The following FBXO4 variants were observed in gnomAD, a reference collection of about 807,000 sequenced individuals.
The protein encoded by FBXO4 is F-box only protein 4.
A neutral mutation model predicts 43.7 loss-of-function variants in FBXO4; 36 were observed. That is an observed-to-expected ratio of 0.82 (90% CI 0.63 to 1.09). The LOEUF (loss-of-function observed/expected upper bound fraction) is 1.09, where lower values mean the gene tolerates loss of function less well. FBXO4 is among the 50% of genes least tolerant of loss of function. The pLI is 0.00. For missense variants in FBXO4, 435 were observed against 474.1 expected (o/e 0.92, Z 0.77); for synonymous variants, 180 against 165.6 (o/e 1.09, Z -0.67).
At chr5:41,994,357 A>G in the FBXO4 span, among the ~76,000 whole-genome samples, 9 of 152,348 alleles carry the variant, frequency 5.9e-5, no homozygotes, top group East Asian at 1.9e-4. Context: ...GGAAATACTC[A>G]TGACAATTAC....
chr5:41,999,516 T>TAC, the FBXO4 span, among the ~76,000 whole-genome samples: 483 of 114,802 alleles, frequency 4.2e-3, 6 homozygotes, highest in African/African-American at 0.019. Context: ...TGTATATATA[T>TAC]ATATATACAT....
In FBXO4 at chr5:41,925,295, C is replaced by G. The variant is rs1751438322; in HGVS notation, c.-15C>G. On this transcript the variant is annotated 5_prime_UTR_variant, in exon 1 of 7. Transcript: ENST00000281623. ...GCGTGGCTCTAAGACGCGTCACCCACGCTGCGGGCAAGCCATGGCGGGAAG... is the reference window on the plus strand; with the variant it reads ...GCGTGGCTCTAAGACGCGTCACCCAGGCTGCGGGCAAGCCATGGCGGGAAG... 1 of 1,325,974 alleles carries G rather than the reference C, an allele frequency of 7.5e-7. No homozygotes were observed. The highest frequency in any genetic ancestry group is 2.0e-5 in the South Asian group (1 of 50,948). 82.1% of individuals were successfully genotyped at this position (1,325,974 alleles called of 1,614,324 possible).
the FBXO4 span, among the ~76,000 whole-genome samples, chr5:41,982,164 G>C: frequency 5.1e-3 from 782 of 152,192 alleles, 8 homozygotes; most frequent in African/African-American, 0.018. Context: ...GGACATTTGG[G>C]TTGGTTCCAA....
At chr5:42,013,707 G>A in the FBXO4 span, among the ~76,000 whole-genome samples, 1 of 152,206 alleles carries the variant, frequency 6.6e-6, no homozygotes, top group Admixed American at 6.5e-5. Flanking sequence ...ATGAGCTTGT[G>A]TTCATTTGGA....
chr5:42,012,326 G>A, the FBXO4 span, among the ~76,000 whole-genome samples: 1 of 151,272 alleles, frequency 6.6e-6, no homozygotes, highest in African/African-American at 2.4e-5. Context: ...ATGTGAGCAT[G>A]TGTGTGTGTG....
chr5:42,029,647 T>C, the FBXO4 span, among the ~76,000 whole-genome samples: 2 of 151,960 alleles, frequency 1.3e-5, no homozygotes, highest in East Asian at 1.9e-4. Flanking sequence ...TTTTTTATTT[T>C]TTCTTTTATC....
At chr5:41,955,131 G>T in the FBXO4 span, among the ~76,000 whole-genome samples, 1 of 152,290 alleles carries the variant, frequency 6.6e-6, no homozygotes, top group Admixed American at 6.5e-5. Context: ...AAGTACATGT[G>T]TACAGTCAAT....
chr5:41,991,816 C>G, the FBXO4 span, among the ~76,000 whole-genome samples: 4 of 152,190 alleles, frequency 2.6e-5, no homozygotes, highest in Non-Finnish European at 5.9e-5. Context: ...CAGTGGCTCA[C>G]GCCTGTAATG....
At position 41,941,375 on chromosome 5, in the gene FBXO4, C is replaced by A; in HGVS notation, c.*94C>A. On this transcript the variant is annotated 3_prime_UTR_variant, in exon 7 of 7. Transcript: ENST00000281623. ...GCTCAGTCAGCCCACCTTGTCCTGC[C>A]TTTTTGCAGATAGGCTTTCATTTGG... The A allele has an allele frequency of 9.8e-7, 1 of 1,022,440 alleles. No individual in the cohort carries two copies. Among genetic ancestry groups the A allele is most frequent in the Non-Finnish European group, 1.5e-6 (1 of 659,748 alleles). The allele number at this position is 1,022,440 out of a possible 1,614,324, so 63.3% of individuals were successfully genotyped here.
Position 41,941,334 on chromosome 5 carries a change from C to T in FBXO4, c.*53C>T, listed in dbSNP as rs1382961560. On this transcript the variant is annotated 3_prime_UTR_variant, in exon 7 of 7. Coordinates refer to ENST00000281623, the MANE Select transcript of FBXO4 (RefSeq NM_012176.3). ...ACCATTTGAAATTTATTACTAAGGT[C>T]GTGATGTGAATATTTGCTCAGTCAG... 1.0e-5 allele frequency: 15 copies of T among 1,504,680 alleles called. No homozygotes were observed. The Middle Eastern group carries it at 5.1e-4, about 51-fold the overall frequency. The allele number at this position is 1,504,680 out of a possible 1,614,324, so 93.2% of individuals were successfully genotyped here.
chr5:41,935,055 C>T (rs911897835), intron 5 of FBXO4: 4 of 984,452 alleles, frequency 4.1e-6, no homozygotes, highest in Non-Finnish European at 4.8e-6. Context: ...TATTACAGGG[C>T]TATCTATAAA....
chr5:41,958,279 C>T, the FBXO4 span, among the ~76,000 whole-genome samples: 1 of 151,930 alleles, frequency 6.6e-6, no homozygotes, highest in Non-Finnish European at 1.5e-5. Flanking sequence ...GGACTATAGG[C>T]GCCCGCCACC....
the FBXO4 span, among the ~76,000 whole-genome samples, chr5:42,033,747 T>C: frequency 2.0e-5 from 3 of 152,216 alleles, no homozygotes; most frequent in Non-Finnish European, 4.4e-5. Flanking sequence ...CCGTGGTGTA[T>C]ATGTATGACA....
At chr5:41,971,135 TA>T in the FBXO4 span, among the ~76,000 whole-genome samples, 2 of 151,462 alleles carry the variant, frequency 1.3e-5, no homozygotes, top group East Asian at 1.9e-4. Context: ...AGAAAGTTAC[TA>T]AAAAAACAAA....
At position 41,941,131 on chromosome 5, in the gene FBXO4, C is replaced by T; in HGVS notation, c.1075-61C>T. On this transcript the variant is annotated intron_variant, in intron 6 of 6. Transcript: ENST00000281623. ...TTTAGTGTCTAGAAAAATGTCCCTCCTACTCATAAGATTTTGGACTTAGTT... is the reference window on the plus strand; with the variant it reads ...TTTAGTGTCTAGAAAAATGTCCCTCTTACTCATAAGATTTTGGACTTAGTT... The T allele has an allele frequency of 2.3e-6, 3 of 1,301,900 alleles. No individual in the cohort carries two copies. The South Asian group carries it at 3.7e-5, about 16-fold the overall frequency. 80.6% of individuals were successfully genotyped at this position (1,301,900 alleles called of 1,614,324 possible). A position where few individuals can be genotyped will look rare whatever the true frequency, so the allele number is the denominator to read the frequency against.
At chr5:41,987,556 T>C in the FBXO4 span, among the ~76,000 whole-genome samples, 11 of 152,300 alleles carry the variant, frequency 7.2e-5, no homozygotes, top group African/African-American at 2.4e-4. Flanking sequence ...GAAATGATCT[T>C]AACATTTTCC....
chr5:42,004,059 G>C, the FBXO4 span, among the ~76,000 whole-genome samples: 2 of 152,128 alleles, frequency 1.3e-5, no homozygotes, highest in Admixed American at 6.6e-5. Context: ...AAAAGGATGA[G>C]TTCATGTCCT....
chr5:42,021,638 C>T, the FBXO4 span, among the ~76,000 whole-genome samples: 4 of 152,112 alleles, frequency 2.6e-5, no homozygotes, highest in Admixed American at 2.6e-4. Context: ...ATAGGTTAAA[C>T]ATATCACTTA....
chr5:42,016,462 G>A, the FBXO4 span, among the ~76,000 whole-genome samples: 8 of 151,456 alleles, frequency 5.3e-5, no homozygotes, highest in African/African-American at 1.9e-4. Context: ...AAAGCACAAA[G>A]GATAGCAGAC....
Sources: allele counts gnomAD v4.1 joint callset (sites outside exome capture counted in the v4.1 genomes callset), GRCh38; gene constraint gnomAD v4.1.1; transcripts MANE v1.5; gene names NCBI Gene and HGNC (gene_info 2026-07-23, HGNC 2026-07-21).